TCF12: variants seen among roughly 807,000 people sequenced by gnomAD.
The protein encoded by TCF12 is DNA-binding protein HTF4.
A neutral mutation model predicts 86.0 loss-of-function variants in TCF12; 45 were observed. The observed-to-expected ratio is 0.52, with a 90% CI of 0.41 to 0.67. TCF12 has a LOEUF of 0.67. TCF12 is among the 30% of genes least tolerant of loss of function. The pLI, the probability that TCF12 is intolerant of heterozygous loss-of-function variation, is 0.00. For missense variants in TCF12, 881 were observed against 859.9 expected, an observed-to-expected ratio of 1.02 and a Z score of -0.31; for synonymous variants, 330 against 299.6, an observed-to-expected ratio of 1.10 and a Z score of -1.05.
intron 3 of TCF12, among the ~76,000 whole-genome samples, chr15:56,969,416 AGAG>A (rs2062173830): frequency 6.6e-6 from 1 of 152,118 alleles, no homozygotes; most frequent in African/African-American, 2.4e-5. Flanking sequence ...GAAAGAGAAT[AGAG>A]CTGTTATTAA....
At chr15:57,267,666 T>TA in intron 18 of TCF12, among the ~76,000 whole-genome samples, 1 of 152,228 alleles carries the variant, frequency 6.6e-6, no homozygotes, top group Middle Eastern at 3.4e-3. Flanking sequence ...AAATTTTACT[T>TA]ACAAAAAAGG....
At chr15:57,091,997 C>G (rs775068639) in intron 5 of TCF12, 106 bp downstream of exon 5, 10 of 884,978 alleles carry the variant, frequency 1.1e-5, no homozygotes, top group Non-Finnish European at 1.7e-5. Context: ...GAAGAAAGTT[C>G]TTGAGTTTCT....
chr15:57,120,792 T>G (rs1179905449), intron 5 of TCF12, among the ~76,000 whole-genome samples: 3 of 152,202 alleles, frequency 2.0e-5, no homozygotes, highest in African/African-American at 4.8e-5. Context: ...TGAGACATTC[T>G]TTAATGAGAG....
intron 3 of TCF12, among the ~76,000 whole-genome samples, chr15:57,049,435 G>T (rs565467731): frequency 2.6e-5 from 4 of 152,120 alleles, no homozygotes; most frequent in African/African-American, 7.2e-5. Context: ...GATTAGTTTC[G>T]TTACTTCTGG....
chr15:57,240,184 G>C (rs150597140), intron 12 of TCF12, among the ~76,000 whole-genome samples: 4 of 152,246 alleles, frequency 2.6e-5, no homozygotes, highest in South Asian at 4.2e-4. Context: ...CTGTATATCT[G>C]TACATTGAAC....
chr15:57,251,517 C>T (rs2060117345), intron 14 of TCF12, 94 bp downstream of exon 14: 2 of 1,177,070 alleles, frequency 1.7e-6, no homozygotes, highest in South Asian at 1.3e-5. Flanking sequence ...AGTAGGCTAG[C>T]ATTGCACATG....
intron 5 of TCF12, among the ~76,000 whole-genome samples, chr15:57,093,252 A>G (rs554283433): frequency 1.0e-3 from 157 of 152,326 alleles, no homozygotes; most frequent in African/African-American, 1.7e-3. Flanking sequence ...TAAATTTTCA[A>G]TTGAGCTTGC....
intron 4 of TCF12, among the ~76,000 whole-genome samples, chr15:57,075,757 CT>C (rs1279491439): frequency 7.8e-6 from 1 of 128,982 alleles, no homozygotes; most frequent in Non-Finnish European, 1.7e-5. Context: ...CATGAGGTTT[CT>C]TTTCTTTCTT....
At position 57,148,529 on chromosome 15, in the gene TCF12, A is replaced by G. The variant is rs544543011; in HGVS notation, c.326-17873A>G. Among the ~76,000 whole-genome samples, 3 of 152,146 alleles carry G rather than the reference A, an allele frequency of 2.0e-5. No individual in the cohort carries two copies. The East Asian group carries it at 5.8e-4, about 29-fold the overall frequency. On this transcript the variant is annotated intron_variant, in intron 5 of 20. Coordinates refer to ENST00000333725, the MANE Select transcript of TCF12 (RefSeq NM_207037.2). Reference sequence around the variant, plus strand: ...AGCCTTCAGTGGGAGGGAACTTGGAAAGTTGGAATGTTCAAGGAAAATGAC... The same window carrying G: ...AGCCTTCAGTGGGAGGGAACTTGGAGAGTTGGAATGTTCAAGGAAAATGAC...
intron 16 of TCF12, among the ~76,000 whole-genome samples, chr15:57,258,118 A>G (rs1008206391): frequency 6.6e-6 from 1 of 152,128 alleles, no homozygotes; most frequent in Non-Finnish European, 1.5e-5. Context: ...TGGGCAACAT[A>G]GGGAGACCTC....
At chr15:57,114,135 A>G (rs1459045847) in intron 5 of TCF12, among the ~76,000 whole-genome samples, 1 of 152,176 alleles carries the variant, frequency 6.6e-6, no homozygotes, top group Non-Finnish European at 1.5e-5. Flanking sequence ...AAACTTGTTT[A>G]TCTCACTAAT....
chr15:56,918,300 C>A, upstream of TCF12: 1 of 455,082 alleles, frequency 2.2e-6, no homozygotes, highest in South Asian at 1.5e-5. Flanking sequence ...AGCTGTGTCT[C>A]CGTCGCTCCG....
intron 16 of TCF12, among the ~76,000 whole-genome samples, chr15:57,254,872 A>T (rs2060276089): frequency 6.8e-6 from 1 of 146,464 alleles, no homozygotes; most frequent in East Asian, 2.0e-4. Context: ...AAAAAAAAAA[A>T]AAAAAGAAAG....
At chr15:57,267,028 A>C (rs2060902923) in intron 18 of TCF12, among the ~76,000 whole-genome samples, 1 of 152,168 alleles carries the variant, frequency 6.6e-6, no homozygotes, top group South Asian at 2.1e-4. Flanking sequence ...TGCTGTCTCT[A>C]AAAAAAGACT....
chr15:57,035,486 C>T (rs893819828), intron 3 of TCF12, among the ~76,000 whole-genome samples: 2 of 152,050 alleles, frequency 1.3e-5, no homozygotes, highest in Admixed American at 1.3e-4. Context: ...AGGCTGATTG[C>T]CAACTCCAGG....
chr15:57,065,001 A>G (rs2082458586), intron 4 of TCF12, among the ~76,000 whole-genome samples: 2 of 152,190 alleles, frequency 1.3e-5, no homozygotes, highest in African/African-American at 4.8e-5. Context: ...AGTATGGTTT[A>G]CACAAGTTTG....
intron 6 of TCF12, among the ~76,000 whole-genome samples, chr15:57,181,860 G>A (rs1419879065): frequency 6.6e-6 from 1 of 151,942 alleles, no homozygotes; most frequent in Non-Finnish European, 1.5e-5. Context: ...AGTGTTTTGG[G>A]GGATAACCCT....
At chr15:56,991,162 G>C (rs1390801487) in intron 3 of TCF12, among the ~76,000 whole-genome samples, 2 of 152,110 alleles carry the variant, frequency 1.3e-5, no homozygotes, top group African/African-American at 4.8e-5. Context: ...TTACGTAAAT[G>C]TGTCATGTAA....
intron 3 of TCF12, among the ~76,000 whole-genome samples, chr15:57,045,639 G>A (rs1485733015): frequency 6.6e-6 from 1 of 152,022 alleles, no homozygotes; most frequent in Non-Finnish European, 1.5e-5. Context: ...TCTACCTCCT[G>A]GGCTCAAGCG....
Sources: allele counts gnomAD v4.1 joint callset (sites outside exome capture counted in the v4.1 genomes callset), GRCh38; gene constraint gnomAD v4.1.1; transcripts MANE v1.5; gene names NCBI Gene and HGNC (gene_info 2026-07-23, HGNC 2026-07-21).